The following DPF3 variants were observed in gnomAD, a reference collection of about 807,000 sequenced individuals.
The protein encoded by DPF3 is zinc finger protein DPF3.
Under a neutral mutation model 56.8 loss-of-function variants are expected in DPF3, and 18 were observed. That is an observed-to-expected ratio of 0.32 (90% CI 0.22 to 0.47). The LOEUF (loss-of-function observed/expected upper bound fraction) is 0.47. DPF3 is among the 20% of genes least tolerant of loss of function. DPF3 has a pLI of 1.00. For synonymous variants in DPF3, 188 were observed against 180.2 expected, an observed-to-expected ratio of 1.04 and a Z score of -0.35; for missense variants, 403 against 488.8, an observed-to-expected ratio of 0.82 and a Z score of 1.65.
At chr14:72,662,792 G>C in intron 8 of DPF3, 1 of 987,526 alleles carries the variant, frequency 1.0e-6, no homozygotes, top group Non-Finnish European at 1.2e-6. Context: ...TTCGGAAATG[G>C]CTTGCTTGAA....
intron 7 of DPF3, among the ~76,000 whole-genome samples, chr14:72,677,897 A>T (rs1886983646): frequency 6.6e-6 from 1 of 152,098 alleles, no homozygotes; most frequent in Non-Finnish European, 1.5e-5. Context: ...AACATAGAAG[A>T]CAATGATTCA....
chr14:72,658,396 CTGA>C (rs2153569050), intron 8 of DPF3, among the ~76,000 whole-genome samples: 1 of 151,898 alleles, frequency 6.6e-6, no homozygotes, highest in South Asian at 2.1e-4. Context: ...AGTTCTGAAA[CTGA>C]TGATTTAGGG....
chr14:72,727,483 G>A (rs1265288688), intron 4 of DPF3, among the ~76,000 whole-genome samples: 1 of 152,014 alleles, frequency 6.6e-6, no homozygotes, highest in African/African-American at 2.4e-5. Context: ...GGCTGAGGCA[G>A]GAGAATCGTT....
intron 8 of DPF3, chr14:72,670,887 C>T (rs1599342299): frequency 4.0e-6 from 5 of 1,235,188 alleles, no homozygotes; most frequent in Non-Finnish European, 5.1e-6. Flanking sequence ...CATCACGATG[C>T]CATCTCTCGG....
At chr14:72,820,700 G>A (rs1241737647) in intron 1 of DPF3, among the ~76,000 whole-genome samples, 5 of 152,162 alleles carry the variant, frequency 3.3e-5, no homozygotes, top group Admixed American at 6.5e-5. Flanking sequence ...GAGATTTACA[G>A]GCAAGAGTTT....
chr14:72,837,597 G>A (rs1404240387), intron 1 of DPF3, among the ~76,000 whole-genome samples: 2 of 152,104 alleles, frequency 1.3e-5, no homozygotes, highest in Admixed American at 6.6e-5. Flanking sequence ...AATTAGCTGG[G>A]CGCAGTGGCA....
intron 1 of DPF3, among the ~76,000 whole-genome samples, chr14:72,885,403 TTTG>T (rs1555516800): frequency 6.8e-6 from 1 of 147,700 alleles, no homozygotes; most frequent in African/African-American, 2.5e-5. Flanking sequence ...TGTTTGTTTG[TTTG>T]TTTTTTGAGA....
At chr14:72,645,802 C>T (rs1885707374) in intron 8 of DPF3, among the ~76,000 whole-genome samples, 1 of 152,068 alleles carries the variant, frequency 6.6e-6, no homozygotes, top group South Asian at 2.1e-4. Flanking sequence ...ACCCCCCACC[C>T]CCCAAAAAAC....
Position 72,619,894 on chromosome 14 carries a change from C to T in DPF3, c.1066+9G>A. 6.5e-6 allele frequency: 10 copies of T among 1,528,308 alleles called. No homozygotes were observed. The highest frequency in any genetic ancestry group is 8.7e-6 in the Non-Finnish European group (10 of 1,143,378). 94.7% of individuals were successfully genotyped at this position (1,528,308 alleles called of 1,614,324 possible). A position where few individuals can be genotyped will look rare whatever the true frequency, so the allele number is the denominator to read the frequency against. On this transcript the variant is annotated intron_variant, in intron 10 of 10. Transcript: ENST00000556509. The stretch of plus-strand genomic sequence containing the variant: ...TTGCTGTTCTTATTGTTGACTTCAT[C>T]ATCATTACCTTCTGGGGGCTCAGCC...
At chr14:72,641,121 A>G (rs1885550932) in intron 8 of DPF3, among the ~76,000 whole-genome samples, 1 of 152,188 alleles carries the variant, frequency 6.6e-6, no homozygotes, top group African/African-American at 2.4e-5. Flanking sequence ...TAAGAAACAA[A>G]GAGAACGTGT....
At chr14:72,879,599 G>A (rs1886247990) in intron 1 of DPF3, among the ~76,000 whole-genome samples, 1 of 152,142 alleles carries the variant, frequency 6.6e-6, no homozygotes, top group South Asian at 2.1e-4. Context: ...GATGACAGAT[G>A]TGCATCAAGT....
rs146605818 is a variant in DPF3 at position 72,650,204 on chromosome 14, C to T, written c.872-20468G>A. On this transcript the variant is annotated intron_variant, in intron 8 of 10. Transcript: ENST00000556509. ...GGGGACTGCTCATTAGCTACCCAGC[C>T]GTGGTAGCTAATCTAAGATCCGGGA... is the stretch of plus-strand genomic sequence containing the variant. Among the ~76,000 whole-genome samples the T allele has an allele frequency of 3.1e-3, 469 of 152,186 alleles. 8 individuals are homozygous for T. Among genetic ancestry groups the T allele is most frequent in the Admixed American group, 0.026 (405 of 15,306 alleles).
intron 2 of DPF3, among the ~76,000 whole-genome samples, chr14:72,764,642 C>G (rs908713271): frequency 6.6e-6 from 1 of 151,878 alleles, no homozygotes; most frequent in South Asian, 2.1e-4. Context: ...GCGCCCACCA[C>G]GCCCAGCTTA....
intron 3 of DPF3, among the ~76,000 whole-genome samples, chr14:72,749,162 A>G (rs982867226): frequency 1.3e-5 from 2 of 152,270 alleles, no homozygotes; most frequent in Non-Finnish European, 2.9e-5. Flanking sequence ...GCAAAGCCAC[A>G]GGGGTGGAGT....
intron 8 of DPF3, among the ~76,000 whole-genome samples, chr14:72,641,817 A>T (rs1885572979): frequency 6.6e-6 from 1 of 152,270 alleles, no homozygotes; most frequent in South Asian, 2.1e-4. Flanking sequence ...GCTTTTAACA[A>T]ACACAGTAAA....
Position 72,610,365 on chromosome 14 carries a change from C to T in DPF3, c.*8932G>A, listed in dbSNP as rs528473292. Among the ~76,000 whole-genome samples, 1 of 152,316 alleles carries T rather than the reference C, an allele frequency of 6.6e-6. No homozygotes were observed. Among genetic ancestry groups the T allele is most frequent in the African/African-American group, 2.4e-5 (1 of 41,580 alleles). On this transcript the variant is annotated 3_prime_UTR_variant, in exon 11 of 11. Coordinates refer to ENST00000556509, the MANE Select transcript of DPF3 (RefSeq NM_001280542.3). ...GTCATCCTTCCTACCATAGGAGCCA[C>T]CTGCCAAAGCCCACCCAGAGGAATC...
At chr14:72,665,799 G>T (rs1039689405) in intron 8 of DPF3, among the ~76,000 whole-genome samples, 2 of 152,228 alleles carry the variant, frequency 1.3e-5, no homozygotes, top group African/African-American at 2.4e-5. Context: ...TGAATTTCCT[G>T]ATTGTGATCA....
chr14:72,826,020 G>T (rs772949240), intron 1 of DPF3, among the ~76,000 whole-genome samples: 5 of 152,086 alleles, frequency 3.3e-5, no homozygotes, highest in African/African-American at 7.2e-5. Flanking sequence ...GGGAAAGGAA[G>T]GGGGCAGGTT....
intron 1 of DPF3, among the ~76,000 whole-genome samples, chr14:72,853,896 T>C (rs568241019): frequency 2.6e-5 from 4 of 152,152 alleles, no homozygotes; most frequent in East Asian, 1.9e-4. Flanking sequence ...GAAGAAAAGG[T>C]TGAAGCTGTA....
Sources: gnomAD v4.1 joint callset for allele counts (sites outside exome capture counted in the v4.1 genomes callset) on GRCh38, gnomAD v4.1.1 for gene constraint, MANE v1.5 for transcripts, NCBI Gene and HGNC (gene_info 2026-07-23, HGNC 2026-07-21) for gene names.